Variants in MYCT1 observed in about 807,000 individuals in gnomAD.
MYCT1 encodes the protein myc target protein 1.
MYCT1 carries 12 observed loss-of-function variants against 15.0 expected under a neutral mutation model. That is an observed-to-expected ratio of 0.80 (90% confidence interval 0.51 to 1.29). The LOEUF is 1.29. Ranked by LOEUF, MYCT1 falls within the 50% of genes most tolerant of loss-of-function variation. MYCT1 has a pLI of 0.00. For missense variants in MYCT1, 287 were observed against 279.1 expected, an observed-to-expected ratio of 1.03 and a Z score of -0.20; for synonymous variants, 104 against 102.7, an observed-to-expected ratio of 1.01 and a Z score of -0.07.
At chr6:152,736,788 A>AT in the MYCT1 span, among the ~76,000 whole-genome samples, 1 of 152,148 alleles carries the variant, frequency 6.6e-6, no homozygotes. Flanking sequence ...TGTATGACAC[A>AT]TTAAAGAATA....
At chr6:152,699,940 C>T (rs2099721036) in intron 1 of MYCT1, among the ~76,000 whole-genome samples, 1 of 151,760 alleles carries the variant, frequency 6.6e-6, no homozygotes, top group African/African-American at 2.4e-5. Flanking sequence ...TGTTATGTGA[C>T]TGTAATGAAA....
the MYCT1 span, among the ~76,000 whole-genome samples, chr6:152,732,650 A>G: frequency 3.9e-5 from 6 of 152,370 alleles, no homozygotes; most frequent in East Asian, 1.9e-4. Flanking sequence ...TCAAATATAG[A>G]TTCAAAACAA....
In MYCT1 at chr6:152,723,822, A is replaced by G. The variant is rs2099725143; in HGVS notation, c.*1569A>G. On this transcript the variant is annotated 3_prime_UTR_variant, in exon 2 of 2. Transcript: ENST00000367245. ...CTCAAAAAGTCTGTGGTTCATTTCC[A>G]GTATTGTGAATATTTAGTTTATGTG... 6.6e-6 allele frequency: 1 copy of G among 152,168 alleles called. No homozygotes were observed. The highest frequency in any genetic ancestry group is 1.5e-5 in the Non-Finnish European group (1 of 68,028). 9.4% of individuals were successfully genotyped at this position (152,168 alleles called of 1,614,324 possible).
intron 1 of MYCT1, among the ~76,000 whole-genome samples, chr6:152,702,713 A>G (rs1175276036): frequency 6.6e-6 from 1 of 152,218 alleles, no homozygotes. Flanking sequence ...TCTTCCCCAA[A>G]TTTGGAAACA....
the MYCT1 span, among the ~76,000 whole-genome samples, chr6:152,732,845 AC>A: frequency 1.3e-5 from 2 of 152,246 alleles, no homozygotes; most frequent in South Asian, 2.1e-4. Flanking sequence ...GGAATGCCAG[AC>A]CCTGTCAGAA....
At chr6:152,707,968 T>C (rs2099722593) in intron 1 of MYCT1, among the ~76,000 whole-genome samples, 1 of 152,016 alleles carries the variant, frequency 6.6e-6, no homozygotes, top group Admixed American at 6.6e-5. Flanking sequence ...TTCCTTTGTA[T>C]TGTCATCATA....
chr6:152,699,188 C>T (rs1272291638), intron 1 of MYCT1, among the ~76,000 whole-genome samples: 1 of 152,096 alleles, frequency 6.6e-6, no homozygotes. Flanking sequence ...ATCTATATGT[C>T]TACCATCACA....
At position 152,712,542 on chromosome 6, in the gene MYCT1, T is replaced by C. The variant is rs1472188226; in HGVS notation, c.197-9200T>C. Among the ~76,000 whole-genome samples, 6 of 71,912 alleles carry C rather than the reference T, an allele frequency of 8.3e-5. 1 individual carries two copies. The highest frequency in any genetic ancestry group is 2.2e-4 in the African/African-American group (6 of 27,150). 47.2% of individuals were successfully genotyped at this position (71,912 alleles called of 152,430 possible). On this transcript the variant is annotated intron_variant, in intron 1 of 1. Transcript: ENST00000367245. Reference sequence around the variant, plus strand: ...GCGCCCACTGTCTGGCACTCCCTAGTGAGATGAACCCGGTACCTCAGATGG... The same window carrying C: ...GCGCCCACTGTCTGGCACTCCCTAGCGAGATGAACCCGGTACCTCAGATGG...
At chr6:152,713,458 T>A (rs2099723090) in intron 1 of MYCT1, among the ~76,000 whole-genome samples, 1 of 152,132 alleles carries the variant, frequency 6.6e-6, no homozygotes, top group African/African-American at 2.4e-5. Context: ...GCCCAGTAAT[T>A]TCATATTGTA....
intron 1 of MYCT1, among the ~76,000 whole-genome samples, chr6:152,718,511 G>T (rs145856583): frequency 0.021 from 3,220 of 152,192 alleles, 121 homozygotes; most frequent in African/African-American, 0.07. Context: ...CTCGCAAAGT[G>T]CTGGGATTAT....
At chr6:152,702,348 C>T (rs2099721460) in intron 1 of MYCT1, among the ~76,000 whole-genome samples, 1 of 152,140 alleles carries the variant, frequency 6.6e-6, no homozygotes, top group Non-Finnish European at 1.5e-5. Context: ...AAATATCCAA[C>T]TATTGCAGTA....
chr6:152,722,439 G>T lies in MYCT1; in HGVS notation c.*186G>T. On this transcript the variant is annotated 3_prime_UTR_variant, in exon 2 of 2. Transcript: ENST00000367245. ...TTTCTTCAAACACGTTTTCCCTTTT[G>T]TTTCAAAAAATGTAATATTTTCCCC... 3.5e-6 allele frequency: 2 copies of T among 568,322 alleles called. No individual in the cohort carries two copies. The highest frequency in any genetic ancestry group is 5.9e-6 in the Non-Finnish European group (2 of 341,216). The allele number at this position is 568,322 out of a possible 1,614,324, so 35.2% of individuals were successfully genotyped here.
intron 1 of MYCT1, among the ~76,000 whole-genome samples, chr6:152,700,736 C>G (rs2099721162): frequency 6.6e-6 from 1 of 152,140 alleles, no homozygotes; most frequent in Non-Finnish European, 1.5e-5. Context: ...CAATAGGAGA[C>G]AAATACTGAA....
At chr6:152,733,382 C>A in the MYCT1 span, among the ~76,000 whole-genome samples, 1 of 152,198 alleles carries the variant, frequency 6.6e-6, no homozygotes. Flanking sequence ...GGATTACAGG[C>A]ATAAGCCACC....
chr6:152,719,792 T>C (rs757770424), intron 1 of MYCT1, among the ~76,000 whole-genome samples: 1 of 152,186 alleles, frequency 6.6e-6, no homozygotes, highest in Admixed American at 6.5e-5. Flanking sequence ...CTACATATTA[T>C]AGATTACAAT....
chr6:152,744,125 T>C, the MYCT1 span, among the ~76,000 whole-genome samples: 1 of 146,068 alleles, frequency 6.8e-6, no homozygotes, highest in Non-Finnish European at 1.5e-5. Context: ...TTCTCTGCAA[T>C]TGTGTCAGCA....
chr6:152,706,012 C>G (rs1277109998), intron 1 of MYCT1: 7 of 888,590 alleles, frequency 7.9e-6, no homozygotes, highest in Non-Finnish European at 1.3e-5. Flanking sequence ...GCTGGTGTGG[C>G]CTCTCCATTA....
intron 1 of MYCT1, among the ~76,000 whole-genome samples, chr6:152,719,267 A>T (rs2099724274): frequency 6.6e-6 from 1 of 152,236 alleles, no homozygotes; most frequent in Admixed American, 6.5e-5. Context: ...TTCTGTTCAT[A>T]ACAGGCTGCA....
the MYCT1 span, among the ~76,000 whole-genome samples, chr6:152,740,589 T>C: frequency 3.3e-5 from 5 of 152,174 alleles, no homozygotes; most frequent in Non-Finnish European, 7.3e-5. Flanking sequence ...AATTAAAGTA[T>C]ACATCTGACG....
Sources: allele counts gnomAD v4.1 joint callset (sites outside exome capture counted in the v4.1 genomes callset), GRCh38; gene constraint gnomAD v4.1.1; transcripts MANE v1.5; gene names NCBI Gene and HGNC (gene_info 2026-07-23, HGNC 2026-07-21).